The following TTC13 variants were observed in gnomAD, a reference collection of about 807,000 sequenced individuals.
TTC13 encodes tetratricopeptide repeat protein 13.
TTC13 carries 62 observed loss-of-function variants against 120.0 expected under a neutral mutation model. That is an observed-to-expected ratio of 0.52 (90% confidence interval 0.42 to 0.64). TTC13 has a LOEUF of 0.64. TTC13 is among the 30% of genes least tolerant of loss of function. TTC13 has a pLI of 0.00. For synonymous variants in TTC13, 384 were observed against 393.5 expected (o/e 0.98, Z 0.28); for missense variants, 824 against 1,050.2 (o/e 0.78, Z 2.98).
intron 8 of TTC13, among the ~76,000 whole-genome samples, chr1:230,938,883 A>G (rs1345302058): frequency 6.6e-6 from 1 of 152,094 alleles, no homozygotes; most frequent in African/African-American, 2.4e-5. Flanking sequence ...TTCCAGCTTC[A>G]TCTCCCTTAA....
At chr1:230,921,394 C>A in intron 16 of TTC13, 27 bp downstream of exon 16, 1 of 1,264,812 alleles carries the variant, frequency 7.9e-7, no homozygotes, top group Admixed American at 2.1e-5. Context: ...CAACTCATTA[C>A]TAAGAAGGAG....
Position 230,940,356 on chromosome 1 carries a change from T to G in TTC13, c.789+84A>C. 1.2e-6 allele frequency: 1 copy of G among 866,966 alleles called. No homozygotes were observed. The highest frequency in any genetic ancestry group is 1.5e-5 in the South Asian group (1 of 65,336). 53.7% of individuals were successfully genotyped at this position (866,966 alleles called of 1,614,324 possible). A position where few individuals can be genotyped will look rare whatever the true frequency, so the allele number is the denominator to read the frequency against. Reference sequence around the variant, plus strand: ...TATTACTAAACAGTCAAAGCCCAAATCTATCAAAGAGTCACTTTCTGAGGT... The same window carrying G: ...TATTACTAAACAGTCAAAGCCCAAAGCTATCAAAGAGTCACTTTCTGAGGT... On this transcript the variant is annotated intron_variant, in intron 7 of 22. Coordinates refer to ENST00000366661, the MANE Select transcript of TTC13 (RefSeq NM_024525.5). The surrounding 1 kb of genome is among the most constrained non-coding windows in gnomAD (Gnocchi z 4.1).
intron 1 of TTC13, among the ~76,000 whole-genome samples, chr1:230,964,494 C>T (rs1355786981): frequency 6.6e-6 from 1 of 152,112 alleles, no homozygotes; most frequent in Non-Finnish European, 1.5e-5. Context: ...GGTTTATTGG[C>T]CATTTGTATC....
intron 3 of TTC13, among the ~76,000 whole-genome samples, 180 bp from the exon 4 acceptor site, chr1:230,954,583 A>T (rs923811065): frequency 6.6e-6 from 1 of 152,210 alleles, no homozygotes; most frequent in Non-Finnish European, 1.5e-5. Flanking sequence ...CACACTTGCT[A>T]ATCAGCCTTC....
chr1:230,921,791 A>G (rs1490011010), intron 15 of TTC13, among the ~76,000 whole-genome samples: 1 of 152,178 alleles, frequency 6.6e-6, no homozygotes, highest in African/African-American at 2.4e-5. Context: ...CCAGACTTTC[A>G]TATCAGCGTC....
Position 230,961,195 on chromosome 1 carries a change from G to A in TTC13, c.366+14C>T. ...TCAGGTTACAAAAACAGAACACAGA[G>A]AGAAGATGCATACCAGAATCTTCTC... On this transcript the variant is annotated intron_variant, in intron 2 of 22. Transcript: ENST00000366661. The A allele has an allele frequency of 6.2e-7, 1 of 1,605,872 alleles. No homozygotes were observed. The highest frequency in any genetic ancestry group is 8.5e-7 in the Non-Finnish European group (1 of 1,173,294).
At chr1:230,968,927 A>G (rs1420194570) in intron 1 of TTC13, among the ~76,000 whole-genome samples, 1 of 152,234 alleles carries the variant, frequency 6.6e-6, no homozygotes, top group African/African-American at 2.4e-5. Flanking sequence ...TGATGATTTG[A>G]TAATCATTAA....
At chr1:230,926,998 A>C (rs113919386) in intron 12 of TTC13, among the ~76,000 whole-genome samples, 130 of 152,368 alleles carry the variant, frequency 8.5e-4, no homozygotes, top group African/African-American at 3.0e-3. Flanking sequence ...AAAATATGTG[A>C]GAGCACAGCT....
chr1:230,931,470 C>A lies in TTC13; in HGVS notation c.1128G>T (p.Arg376=), dbSNP rs754569400. ...SLQEALKNFK[R]CLQLEPYNEV... ...CATTATATGGCTCTAGCTGCAGACA[C>A]CGCTGAGGACAAAATGCTGCATTAG... is the stretch of plus-strand genomic sequence containing the variant. The change falls in exon 11 of 23, where the codon CGG becomes CGT. Residue 376 remains arginine (R), a splice_region_variant and synonymous_variant. Coordinates refer to ENST00000366661, the MANE Select transcript of TTC13 (RefSeq NM_024525.5). 5 of 1,613,894 alleles carry A rather than the reference C, an allele frequency of 3.1e-6. No homozygotes were observed. In the South Asian group the frequency reaches 3.3e-5, roughly 11 times the overall value.
At chr1:230,973,065 T>C (rs1677923686) in intron 1 of TTC13, among the ~76,000 whole-genome samples, 1 of 152,212 alleles carries the variant, frequency 6.6e-6, no homozygotes, top group African/African-American at 2.4e-5. Context: ...TGAAACTATG[T>C]ATGATGACAA....
chr1:230,968,800 A>T (rs1442753488), intron 1 of TTC13, among the ~76,000 whole-genome samples: 4 of 152,152 alleles, frequency 2.6e-5, no homozygotes, highest in Non-Finnish European at 5.9e-5. Flanking sequence ...AGAGGAAGAG[A>T]GGTTTTAGAG....
At chr1:230,968,145 CTT>C (rs995990315) in intron 1 of TTC13, among the ~76,000 whole-genome samples, 5 of 85,498 alleles carry the variant, frequency 5.8e-5, no homozygotes, top group Non-Finnish European at 1.4e-4. Flanking sequence ...TTTTATTCTT[CTT>C]TTTTTTATCA....
chr1:230,965,421 T>C (rs1396373939), intron 1 of TTC13, among the ~76,000 whole-genome samples: 1 of 152,216 alleles, frequency 6.6e-6, no homozygotes, highest in Admixed American at 6.5e-5. Context: ...TACAATGAGA[T>C]ATCATCTCAC....
Position 230,945,369 on chromosome 1 carries a change from C to T in TTC13, c.579+20G>A, listed in dbSNP as rs573707642. 1.3e-5 allele frequency: 21 copies of T among 1,610,176 alleles called. No individual in the cohort carries two copies. The Admixed American group carries it at 1.7e-4, about 13-fold the overall frequency. ...CAGGTCATGTAGGCGCTATGGCAAT[C>T]GTAACTATTACATACTCACATGTAG... On this transcript the variant is annotated intron_variant, in intron 5 of 22. Coordinates refer to ENST00000366661, the MANE Select transcript of TTC13 (RefSeq NM_024525.5).
At chr1:230,963,305 C>A (rs758740921) in intron 1 of TTC13, among the ~76,000 whole-genome samples, 1 of 152,050 alleles carries the variant, frequency 6.6e-6, no homozygotes, top group Non-Finnish European at 1.5e-5. Flanking sequence ...ATTACTGAAG[C>A]TGCAATGTTA....
intron 18 of TTC13, among the ~76,000 whole-genome samples, chr1:230,915,634 T>C (rs190545795): frequency 1.2e-3 from 184 of 152,308 alleles, no homozygotes; most frequent in Non-Finnish European, 1.7e-3. Context: ...TGTGATAATG[T>C]AATGGTAAGG....
At position 230,978,852 on chromosome 1, in the gene TTC13, G is replaced by C; in HGVS notation, c.-22C>G. On this transcript the variant is annotated 5_prime_UTR_variant, in exon 1 of 23. Transcript: ENST00000366661. The surrounding 1 kb of genome is among the most constrained non-coding windows in gnomAD (Gnocchi z 5.6). ...CCATCTTCCCTCAAGGCGCATGCGCGACAGCCCTTGCCCGGCTCTCAGGCC... is the reference window on the plus strand; with the variant it reads ...CCATCTTCCCTCAAGGCGCATGCGCCACAGCCCTTGCCCGGCTCTCAGGCC... 1.4e-6 allele frequency: 2 copies of C among 1,449,702 alleles called. No homozygotes were observed. The highest frequency in any genetic ancestry group is 1.8e-6 in the Non-Finnish European group (2 of 1,111,788). The allele number at this position is 1,449,702 out of a possible 1,614,324, so 89.8% of individuals were successfully genotyped here.
At chr1:230,919,411 C>T (rs12740770) in intron 17 of TTC13, among the ~76,000 whole-genome samples, 26,736 of 152,104 alleles carry the variant, frequency 0.18, 2,543 homozygotes, top group East Asian at 0.4. Flanking sequence ...CTTTTTATAA[C>T]GGCATGAATC....
At chr1:230,954,253 A>G in intron 4 of TTC13, 80 bp downstream of exon 4, 1 of 962,468 alleles carries the variant, frequency 1.0e-6, no homozygotes, top group South Asian at 1.5e-5. Flanking sequence ...ATGTCGTATT[A>G]CAGCACTTCA....
Sources: allele counts gnomAD v4.1 joint callset (sites outside exome capture counted in the v4.1 genomes callset), GRCh38; gene constraint gnomAD v4.1.1; non-coding constraint Gnocchi (gnomAD v3.1); transcripts MANE v1.5; gene names NCBI Gene and HGNC (gene_info 2026-07-23, HGNC 2026-07-21).